The following MBTD1 variants were observed in gnomAD, a reference collection of about 807,000 sequenced individuals.
MBTD1 encodes the protein MBT domain-containing protein 1.
Under a neutral mutation model 87.8 loss-of-function variants are expected in MBTD1, and 24 were observed. That is an observed-to-expected ratio of 0.27 (90% CI 0.20 to 0.38). MBTD1 has a LOEUF of 0.38. Ranked by LOEUF, MBTD1 falls within the 10% of genes least tolerant of loss-of-function variation. MBTD1 has a pLI of 1.00. For missense variants in MBTD1, 436 were observed against 760.2 expected, an observed-to-expected ratio of 0.57 and a Z score of 5.02; for synonymous variants, 237 against 248.6, an observed-to-expected ratio of 0.95 and a Z score of 0.44.
chr17:51,220,353 C>T lies in MBTD1; in HGVS notation c.265G>A (p.Ala89Thr). ...SRSYSSNSKK[A>T]SILARLQGKP... ...ACCTGAAGTCTGGCCAAAATGCTTGCCTTCTTGGAGTTTGACGAGTAACTT... is the reference window on the plus strand; with the variant it reads ...ACCTGAAGTCTGGCCAAAATGCTTGTCTTCTTGGAGTTTGACGAGTAACTT... Residue 89 changes from alanine (A) to threonine (T), a missense_variant, in exon 4 of 17, where the codon GCA (alanine) becomes ACA (threonine). Physicochemically the swap from Ala to Thr is moderately conservative, Grantham distance 58 (BLOSUM62 0). Around this residue, in one of 5 missense-constraint regions of MBTD1, gnomAD observed 18 missense variants for 107.8 expected, o/e 0.17. Coordinates refer to ENST00000586178, the MANE Select transcript of MBTD1 (RefSeq NM_017643.3). The T allele has an allele frequency of 6.4e-7, 1 of 1,550,534 alleles. No homozygotes were observed. The highest frequency in any genetic ancestry group is 8.7e-7 in the Non-Finnish European group (1 of 1,146,090).
intron 16 of MBTD1, among the ~76,000 whole-genome samples, chr17:51,190,750 A>AATATATATATATATATATATATATAT (rs1555677186): frequency 1.5e-4 from 6 of 39,702 alleles, no homozygotes; most frequent in Admixed American, 4.1e-4. Flanking sequence ...AAAAAAAAAA[A>AATATATATATATATATATATATATAT]ATATATATAT....
At position 51,179,490 on chromosome 17, in the gene MBTD1, A is replaced by ATATATATATATATTTT. The variant is rs1568135577; in HGVS notation, c.*1085_*1086insAAAATATATATATATA. 4 of 23,534 alleles carry ATATATATATATATTTT rather than the reference A, an allele frequency of 1.7e-4. No individual in the cohort carries two copies. Among genetic ancestry groups the ATATATATATATATTTT allele is most frequent in the Non-Finnish European group, 1.8e-4 (2 of 11,152 alleles). The allele number at this position is 23,534 out of a possible 1,614,324, so 1.5% of individuals were successfully genotyped here. On this transcript the variant is annotated 3_prime_UTR_variant, in exon 17 of 17. Transcript: ENST00000586178. ...AATACAATTAAAGACAATTTTATATATATATATATATATATATATATATAT... is the reference window on the plus strand; with the variant it reads ...AATACAATTAAAGACAATTTTATATATATATATATATATTTTTATATATATATATATATATATATAT...
At chr17:51,189,172 T>TA (rs34581166) in intron 16 of MBTD1, among the ~76,000 whole-genome samples, 92,471 of 151,942 alleles carry the variant, frequency 0.61, 29,609 homozygotes, top group African/African-American at 0.82. Context: ...ATATTTGCTT[T>TA]AAAAATGTTT....
In MBTD1 at chr17:51,179,490, A is replaced by ATATATATATATATATTTATATT. The variant is rs1568135584; in HGVS notation, c.*1085_*1086insAATATAAATATATATATATATA. 51 of 23,528 alleles carry ATATATATATATATATTTATATT rather than the reference A, an allele frequency of 2.2e-3. 3 individuals carry two copies. Among genetic ancestry groups the ATATATATATATATATTTATATT allele is most frequent in the Non-Finnish European group, 2.7e-3 (30 of 11,146 alleles). The allele number at this position is 23,528 out of a possible 1,614,324, so 1.5% of individuals were successfully genotyped here. ...AATACAATTAAAGACAATTTTATAT[A>ATATATATATATATATTTATATT]TATATATATATATATATATATATAT... is the stretch of plus-strand genomic sequence containing the variant. On this transcript the variant is annotated 3_prime_UTR_variant, in exon 17 of 17. Coordinates refer to ENST00000586178, the MANE Select transcript of MBTD1 (RefSeq NM_017643.3).
At chr17:51,212,003 G>C (rs1336720205) in intron 6 of MBTD1, among the ~76,000 whole-genome samples, 1 of 152,108 alleles carries the variant, frequency 6.6e-6, no homozygotes, top group Non-Finnish European at 1.5e-5. Flanking sequence ...TATAGGTCAG[G>C]CAAAAGAAAG....
At position 51,203,152 on chromosome 17, in the gene MBTD1, A is replaced by G; in HGVS notation, c.816T>C (p.Asp272=). Residue 272 remains aspartate, a synonymous_variant, in exon 9 of 17, where the codon GAT becomes GAC. Coordinates refer to ENST00000586178, the MANE Select transcript of MBTD1 (RefSeq NM_017643.3). The part of the protein sequence containing the change: ...RLTGAKTLPP[D]FSQKVSESMQ... ...TCCTGTTTTTTACCTTTTGGGAGAA[A>G]TCAGGAGGCAGTGTTTTGGCACCAG... The G allele has an allele frequency of 6.3e-7, 1 of 1,597,670 alleles. No homozygotes were observed. The highest frequency in any genetic ancestry group is 8.5e-7 in the Non-Finnish European group (1 of 1,175,926).
intron 12 of MBTD1, among the ~76,000 whole-genome samples, chr17:51,195,775 C>A (rs1423943556): frequency 6.6e-6 from 1 of 152,202 alleles, no homozygotes; most frequent in Non-Finnish European, 1.5e-5. Context: ...ACGGTCTCTA[C>A]CTTCTTCAAG....
intron 2 of MBTD1, among the ~76,000 whole-genome samples, chr17:51,243,514 A>T (rs1027720109): frequency 3.3e-5 from 5 of 152,234 alleles, no homozygotes; most frequent in African/African-American, 1.2e-4. Context: ...ACATTTTCTT[A>T]TAACTGGAGC....
rs772744452 is a variant in MBTD1 at position 51,193,015 on chromosome 17, T to A, written c.1457A>T (p.Asp486Val). ...IAAPVKLFNK[D>V]VPNHGFRVGM... is the part of the protein sequence containing the mutation. ...TACACGAAATCCGTGATTTGGAACATCCTGACACAGAGAAGAAAACATTAA... is the reference window on the plus strand; with the variant it reads ...TACACGAAATCCGTGATTTGGAACAACCTGACACAGAGAAGAAAACATTAA... The change falls in exon 15 of 17, where the codon GAT (aspartate) becomes GTT (valine). Residue 486 changes from aspartate to valine, a missense_variant and splice_region_variant. This residue lies in a region of MBTD1 where 80 missense variants were observed against 182.2 expected (regional missense o/e 0.44). Coordinates refer to ENST00000586178, the MANE Select transcript of MBTD1 (RefSeq NM_017643.3). 1 of 1,602,040 alleles carries A rather than the reference T, an allele frequency of 6.2e-7. No individual in the cohort carries two copies. The highest frequency in any genetic ancestry group is 1.3e-5 in the African/African-American group (1 of 74,670).
intron 2 of MBTD1, among the ~76,000 whole-genome samples, chr17:51,236,604 C>T (rs573864210): frequency 1.3e-5 from 2 of 152,188 alleles, no homozygotes; most frequent in African/African-American, 4.8e-5. Flanking sequence ...CATCTTCTGG[C>T]CCTCCAAGCA....
chr17:51,209,236 G>C, intron 6 of MBTD1: 1 of 379,902 alleles, frequency 2.6e-6, no homozygotes, highest in South Asian at 2.0e-5. Flanking sequence ...CTTGCTGGCA[G>C]GAGGGATACC....
At chr17:51,194,154 T>TA in intron 13 of MBTD1, among the ~76,000 whole-genome samples, 1 of 152,322 alleles carries the variant, frequency 6.6e-6, no homozygotes, top group Non-Finnish European at 1.5e-5. Context: ...GCTGAGCAAA[T>TA]ACTATTTTTT....
intron 12 of MBTD1, among the ~76,000 whole-genome samples, chr17:51,200,662 G>C (rs1014937654): frequency 6.6e-6 from 1 of 151,126 alleles, no homozygotes; most frequent in Non-Finnish European, 1.5e-5. Flanking sequence ...CCAGGAATTC[G>C]AGACCAGCCC....
chr17:51,232,402 T>C (rs1254023266), intron 2 of MBTD1, among the ~76,000 whole-genome samples: 1 of 152,080 alleles, frequency 6.6e-6, no homozygotes, highest in East Asian at 1.9e-4. Context: ...CAGAAACTGA[T>C]TAAGAATCCC....
In MBTD1 at chr17:51,179,485, TATA is replaced by T. The variant is rs1479456105; in HGVS notation, c.*1088_*1090del. ...TCCTGAATACAATTAAAGACAATTT[TATA>T]TATATATATATATATATATATATAT... On this transcript the variant is annotated 3_prime_UTR_variant, in exon 17 of 17. Coordinates refer to ENST00000586178, the MANE Select transcript of MBTD1 (RefSeq NM_017643.3). The T allele has an allele frequency of 1.3e-3, 17 of 12,698 alleles. No individual in the cohort carries two copies. Among genetic ancestry groups the T allele is most frequent in the African/African-American group, 4.2e-3 (15 of 3,602 alleles). The allele number at this position is 12,698 out of a possible 1,614,324, so 0.8% of individuals were successfully genotyped here.
chr17:51,189,721 T>C (rs2050710010), intron 16 of MBTD1, among the ~76,000 whole-genome samples: 1 of 152,212 alleles, frequency 6.6e-6, no homozygotes, highest in Admixed American at 6.5e-5. Context: ...CAAAGTCTTA[T>C]CCAACAGAAA....
chr17:51,260,560 C>T (rs761059679), upstream of MBTD1: 1 of 1,599,922 alleles, frequency 6.3e-7, no homozygotes, highest in Non-Finnish European at 8.5e-7. Context: ...CACGTGAGCG[C>T]CTGCGTTTCT....
rs774855066 is a variant in MBTD1, at chr17:51,179,857, A to G, written c.*719T>C. The G allele has an allele frequency of 2.0e-5, 3 of 152,098 alleles. No homozygotes were observed. Among genetic ancestry groups the G allele is most frequent in the Non-Finnish European group, 2.9e-5 (2 of 68,000 alleles). 9.4% of individuals were successfully genotyped at this position (152,098 alleles called of 1,614,324 possible). A position where few individuals can be genotyped will look rare whatever the true frequency, so the allele number is the denominator to read the frequency against. ...AGACTGAGATCCTGAATATCTTGTC[A>G]ACCATTCCAGTTTAACACTTTAGTG... On this transcript the variant is annotated 3_prime_UTR_variant, in exon 17 of 17. Transcript: ENST00000586178.
At position 51,179,492 on chromosome 17, in the gene MBTD1, A is replaced by ATATATATATATTTATATT. The variant is rs2050210544; in HGVS notation, c.*1083_*1084insAATATAAATATATATATA. The ATATATATATATTTATATT allele has an allele frequency of 6.5e-5, 2 of 30,972 alleles. No individual in the cohort carries two copies. The highest frequency in any genetic ancestry group is 3.8e-4 in the Admixed American group (1 of 2,620). The allele number at this position is 30,972 out of a possible 1,614,324, so 1.9% of individuals were successfully genotyped here. ...TACAATTAAAGACAATTTTATATATATATATATATATATATATATATATAT... is the reference window on the plus strand; with the variant it reads ...TACAATTAAAGACAATTTTATATATATATATATATATTTATATTTATATATATATATATATATATATAT... On this transcript the variant is annotated 3_prime_UTR_variant, in exon 17 of 17. Coordinates refer to ENST00000586178, the MANE Select transcript of MBTD1 (RefSeq NM_017643.3).
Sources: allele counts gnomAD v4.1 joint callset (sites outside exome capture counted in the v4.1 genomes callset), GRCh38; gene constraint gnomAD v4.1.1; regional missense constraint gnomAD v4.1.1; transcripts MANE v1.5; gene names NCBI Gene and HGNC (gene_info 2026-07-23, HGNC 2026-07-21).